ITGA11: variants seen among roughly 807,000 people sequenced by gnomAD.
ITGA11 encodes the protein integrin subunit alpha 11.
In ITGA11, 97 loss-of-function variants were observed where a neutral mutation model predicts 141.9. That is an observed-to-expected ratio of 0.68 (90% confidence interval 0.58 to 0.81). The LOEUF is 0.81. ITGA11 is among the 30% of genes least tolerant of loss of function. ITGA11 has a pLI of 0.00. For missense variants in ITGA11, 1,387 were observed against 1,559.2 expected, an observed-to-expected ratio of 0.89 and a Z score of 1.86; for synonymous variants, 658 against 624.6, an observed-to-expected ratio of 1.05 and a Z score of -0.80.
intron 2 of ITGA11, among the ~76,000 whole-genome samples, chr15:68,397,513 TA>T (rs1317156922): frequency 1.5e-5 from 1 of 68,542 alleles, no homozygotes; most frequent in Non-Finnish European, 2.3e-5. Flanking sequence ...TTTTAAAATA[TA>T]TTTAAAATAT....
Position 68,297,472 on chromosome 15 carries a change from TCTGG to T in ITGA11, c.*5583_*5586del. The T allele has an allele frequency of 6.7e-6, 1 of 149,144 alleles. No homozygotes were observed. The highest frequency in any genetic ancestry group is 1.5e-5 in the Non-Finnish European group (1 of 67,452). 9.2% of individuals were successfully genotyped at this position (149,144 alleles called of 1,614,324 possible). On this transcript the variant is annotated 3_prime_UTR_variant, in exon 30 of 30. Transcript: ENST00000315757. ...TTTTTTTATCCAAAAGAAAGCTATG[TCTGG>T]TTAGGTAAATCATACACCTGTATCC...
intron 1 of ITGA11, among the ~76,000 whole-genome samples, chr15:68,425,737 A>G (rs1180468444): frequency 6.6e-6 from 1 of 152,216 alleles, no homozygotes; most frequent in Non-Finnish European, 1.5e-5. Flanking sequence ...GGCCTTCCTG[A>G]GGCCCAGTCC....
At chr15:68,362,845 T>C (rs900347724) in intron 4 of ITGA11, among the ~76,000 whole-genome samples, 1 of 152,054 alleles carries the variant, frequency 6.6e-6, no homozygotes, top group African/African-American at 2.4e-5. Context: ...GGATGATGGA[T>C]GGATAGATGA....
chr15:68,425,978 G>C (rs1433770140), intron 1 of ITGA11, among the ~76,000 whole-genome samples: 1 of 152,262 alleles, frequency 6.6e-6, no homozygotes, highest in Non-Finnish European at 1.5e-5. Context: ...CTTTAGAGCT[G>C]CATCACCCAA....
chr15:68,430,605 T>G (rs1897246485), intron 1 of ITGA11, among the ~76,000 whole-genome samples: 1 of 152,182 alleles, frequency 6.6e-6, no homozygotes, highest in Non-Finnish European at 1.5e-5. Flanking sequence ...TGGCTGGATC[T>G]CCTAGTGATA....
chr15:68,340,995 C>T (rs1449673434), intron 10 of ITGA11, among the ~76,000 whole-genome samples: 1 of 152,176 alleles, frequency 6.6e-6, no homozygotes, highest in Non-Finnish European at 1.5e-5. Flanking sequence ...CACTCTCTCC[C>T]ACGGAGCCTT....
intron 7 of ITGA11, among the ~76,000 whole-genome samples, chr15:68,354,218 C>T (rs930327874): frequency 1.2e-4 from 18 of 152,230 alleles, no homozygotes; most frequent in South Asian, 8.3e-4. Context: ...TGTCAGCTCA[C>T]GATGGCACGG....
At chr15:68,401,921 G>A (rs1896521913) in intron 2 of ITGA11, among the ~76,000 whole-genome samples, 1 of 152,136 alleles carries the variant, frequency 6.6e-6, no homozygotes, top group Admixed American at 6.5e-5. Flanking sequence ...GATGGTGGTG[G>A]GGTGAGCAGA....
At chr15:68,382,516 G>A (rs1388369762) in intron 2 of ITGA11, among the ~76,000 whole-genome samples, 5 of 152,192 alleles carry the variant, frequency 3.3e-5, no homozygotes, top group African/African-American at 4.8e-5. Flanking sequence ...GATTTACCTT[G>A]GGTCACATCC....
intron 19 of ITGA11, among the ~76,000 whole-genome samples, chr15:68,320,819 A>G (rs1025975142): frequency 2.0e-5 from 3 of 152,164 alleles, no homozygotes; most frequent in African/African-American, 7.2e-5. Flanking sequence ...TCTCTTTATT[A>G]TCTATGTCAT....
rs955729624 is a variant in ITGA11 at position 68,326,250 on chromosome 15, C to T, written c.2211+404G>A. 6.6e-6 allele frequency among the ~76,000 whole-genome samples: 1 copy of T among 152,198 alleles called. No homozygotes were observed. The highest frequency in any genetic ancestry group is 1.5e-5 in the Non-Finnish European group (1 of 68,042). On this transcript the variant is annotated intron_variant, in intron 17 of 29. Coordinates refer to ENST00000315757, the MANE Select transcript of ITGA11 (RefSeq NM_001004439.2). This position sits in a 1 kb window ranked among gnomAD's most constrained non-coding sequence, Gnocchi z 6.8. ...ACTACCCTACTTGTGACATCACTGG[C>T]GCCCCTCTCTGTCTCACCTCCTGTT...
rs967169385 is a variant in ITGA11, at chr15:68,307,845, T to C, written c.3175-149A>G. On this transcript the variant is annotated intron_variant, in intron 26 of 29. Transcript: ENST00000315757. This position sits in a 1 kb window ranked among gnomAD's most constrained non-coding sequence, Gnocchi z 6.1. ...AAGTTGGGAGTGGGGGACATGTGCA[T>C]TGCGTCTGCCAGGGGATGACTGAAG... The C allele has an allele frequency of 3.3e-6, 2 of 608,824 alleles. No individual in the cohort carries two copies. Among genetic ancestry groups the C allele is most frequent in the Admixed American group, 2.9e-5 (1 of 34,488 alleles). The allele number at this position is 608,824 out of a possible 1,614,324, so 37.7% of individuals were successfully genotyped here. A position where few individuals can be genotyped will look rare whatever the true frequency, so the allele number is the denominator to read the frequency against.
chr15:68,301,843 G>A lies in ITGA11; in HGVS notation c.*1216C>T, dbSNP rs1893034229. On this transcript the variant is annotated 3_prime_UTR_variant, in exon 30 of 30. Coordinates refer to ENST00000315757, the MANE Select transcript of ITGA11 (RefSeq NM_001004439.2). The surrounding 1 kb of genome is among the most constrained non-coding windows in gnomAD (Gnocchi z 4.4). ...AGACTAAGGCATAAATTACTCCACTGGGCGCCAGGCACGCCCCTTGTCCTT... is the reference window on the plus strand; with the variant it reads ...AGACTAAGGCATAAATTACTCCACTAGGCGCCAGGCACGCCCCTTGTCCTT... 1 of 152,634 alleles carries A rather than the reference G, an allele frequency of 6.6e-6. No homozygotes were observed. The highest frequency in any genetic ancestry group is 2.4e-5 in the African/African-American group (1 of 41,442). The allele number at this position is 152,634 out of a possible 1,614,324, so 9.5% of individuals were successfully genotyped here. A position where few individuals can be genotyped will look rare whatever the true frequency, so the allele number is the denominator to read the frequency against.
At chr15:68,371,924 C>T (rs1895602171) in intron 2 of ITGA11, among the ~76,000 whole-genome samples, 1 of 152,118 alleles carries the variant, frequency 6.6e-6, no homozygotes, top group African/African-American at 2.4e-5. Context: ...AGGGCCACTC[C>T]CTGGGTCCCA....
At chr15:68,364,826 C>T (rs1486455323) in intron 3 of ITGA11, 28 bp from the exon 4 acceptor site, 2 of 1,596,682 alleles carry the variant, frequency 1.3e-6, no homozygotes, top group Non-Finnish European at 1.7e-6. Context: ...GTTCAGCTTG[C>T]AGCCCCCTCC....
chr15:68,373,335 A>G (rs1157958772), intron 2 of ITGA11, among the ~76,000 whole-genome samples: 2 of 152,184 alleles, frequency 1.3e-5, no homozygotes, highest in Non-Finnish European at 2.9e-5. Context: ...CCAGTGACCA[A>G]CCTAACCTTC....
chr15:68,316,573 C>T (rs75227722), intron 21 of ITGA11, among the ~76,000 whole-genome samples: 2,752 of 152,314 alleles, frequency 0.018, 30 homozygotes, highest in Non-Finnish European at 0.029. Flanking sequence ...ACTTATATCT[C>T]ACCAGGGAGG....
At chr15:68,404,054 C>T (rs1896577673) in intron 1 of ITGA11, among the ~76,000 whole-genome samples, 1 of 152,180 alleles carries the variant, frequency 6.6e-6, no homozygotes, top group Non-Finnish European at 1.5e-5. Flanking sequence ...CTCCATCACT[C>T]CTTCCTCCCA....
intron 4 of ITGA11, chr15:68,362,103 GGTC>G: frequency 6.1e-6 from 1 of 164,618 alleles, no homozygotes; most frequent in East Asian, 1.8e-4. Context: ...CTGTCTGAGA[GGTC>G]GCCTGAAGGG....
Sources: gnomAD v4.1 joint callset for allele counts (sites outside exome capture counted in the v4.1 genomes callset) on GRCh38, gnomAD v4.1.1 for gene constraint, Gnocchi (gnomAD v3.1) non-coding constraint, MANE v1.5 for transcripts, NCBI Gene and HGNC (gene_info 2026-07-23, HGNC 2026-07-21) for gene names.